Variants in SEC61B observed in about 807,000 individuals in gnomAD.
SEC61B encodes protein transport protein Sec61 subunit beta.
A neutral mutation model predicts 12.6 loss-of-function variants in SEC61B; 7 were observed. That is an observed-to-expected ratio of 0.55 (90% CI 0.32 to 1.04). The LOEUF (loss-of-function observed/expected upper bound fraction) is 1.04. Ranked by LOEUF, SEC61B falls within the 50% of genes least tolerant of loss-of-function variation. The pLI is 0.05. For synonymous variants in SEC61B, 54 were observed against 50.1 expected (o/e 1.08, Z -0.33); for missense variants, 107 against 130.1 (o/e 0.82, Z 0.86).
At chr9:99,227,458 A>G (rs2119020579) in intron 2 of SEC61B, among the ~76,000 whole-genome samples, 1 of 152,266 alleles carries the variant, frequency 6.6e-6, no homozygotes, top group South Asian at 2.1e-4. Context: ...GTATGGATTC[A>G]GGGCATTTTA....
Position 99,230,344 on chromosome 9 carries a change from G to T in SEC61B, c.211G>T (p.Val71Phe), listed in dbSNP as rs367989622. The T allele has an allele frequency of 6.2e-7, 1 of 1,600,730 alleles. No homozygotes were observed. Among genetic ancestry groups the T allele is most frequent in the African/African-American group, 1.3e-5 (1 of 74,402 alleles). Residue 71 changes from valine (V) to phenylalanine (F), a missense_variant, in exon 4 of 4, where the codon GTT becomes TTT. Transcript: ENST00000223641. ...EDSPGLKVGP[V>F]PVLVMSLLFI... Reference sequence around the variant, plus strand: ...TTCTCTTCTTATTTCTAGTGGCCCTGTTCCAGTATTGGTTATGAGTCTTCT... The same window carrying T: ...TTCTCTTCTTATTTCTAGTGGCCCTTTTCCAGTATTGGTTATGAGTCTTCT...
chr9:99,227,265 C>CAAAAAAA (rs59719935), intron 2 of SEC61B, among the ~76,000 whole-genome samples: 1 of 10,734 alleles, frequency 9.3e-5, no homozygotes, highest in Non-Finnish European at 2.0e-4. Flanking sequence ...AACTCCATCT[C>CAAAAAAA]AAAAAAAAAA....
chr9:99,230,360 T>C lies in SEC61B; in HGVS notation c.227T>C (p.Met76Thr). The C allele has an allele frequency of 6.2e-6, 10 of 1,610,486 alleles. No homozygotes were observed. The highest frequency in any genetic ancestry group is 7.6e-6 in the Non-Finnish European group (9 of 1,177,976). The change falls in exon 4 of 4, where the codon ATG (methionine) becomes ACG (threonine). Residue 76 changes from methionine to threonine, a missense_variant. Transcript: ENST00000223641. The part of the protein sequence containing the change: ...LKVGPVPVLV[M>T]SLLFIASVFM... The stretch of plus-strand genomic sequence containing the variant: ...AGTGGCCCTGTTCCAGTATTGGTTA[T>C]GAGTCTTCTGTTCATCGCTTCTGTA...
intron 2 of SEC61B, among the ~76,000 whole-genome samples, chr9:99,227,170 G>A (rs977088364): frequency 8.0e-5 from 12 of 149,702 alleles, no homozygotes; most frequent in Admixed American, 4.0e-4. Flanking sequence ...GGAGGCTGAG[G>A]CAGAAGAATC....
At chr9:99,227,592 C>CA (rs1189921378) in intron 2 of SEC61B, among the ~76,000 whole-genome samples, 1 of 152,178 alleles carries the variant, frequency 6.6e-6, no homozygotes, top group African/African-American at 2.4e-5. Context: ...GAGCTAGGTT[C>CA]AGCCACCTGT....
intron 2 of SEC61B, among the ~76,000 whole-genome samples, chr9:99,226,479 C>T (rs1828897279): frequency 1.3e-5 from 2 of 152,196 alleles, no homozygotes; most frequent in South Asian, 4.1e-4. Context: ...CATCAGCCCA[C>T]AGATACTGGA....
Position 99,222,574 on chromosome 9 carries a change from T to C in SEC61B, c.32T>C (p.Val11Ala), listed in dbSNP as rs1269545093. The C allele has an allele frequency of 6.4e-7, 1 of 1,568,870 alleles. No individual in the cohort carries two copies. Among genetic ancestry groups the C allele is most frequent in the Non-Finnish European group, 8.6e-7 (1 of 1,157,258 alleles). Residue 11 changes from valine (V) to alanine (A), a missense_variant, in exon 2 of 4, where the codon GTG (valine) becomes GCG (alanine). Val to Ala is a moderately conservative substitution (Grantham distance 64, BLOSUM62 0). Transcript: ENST00000223641. ...GGTCCGACCCCCAGTGGCACTAACG[T>C]GGGATCCTCAGGGCGCTCTCCCAGC... The part of the protein sequence containing the change: MPGPTPSGTN[V>A]GSSGRSPSKA...
At chr9:99,222,859 TAAC>T (rs1828847179) in intron 2 of SEC61B, 2 of 474,014 alleles carry the variant, frequency 4.2e-6, no homozygotes, top group Admixed American at 4.0e-5. Context: ...AAAGGAAAGT[TAAC>T]AAACTGGAAT....
At chr9:99,230,109 A>T (rs1214562642) in intron 3 of SEC61B, among the ~76,000 whole-genome samples, 1 of 152,272 alleles carries the variant, frequency 6.6e-6, no homozygotes, top group Non-Finnish European at 1.5e-5. Flanking sequence ...TTACTAAAAG[A>T]TAAGGACTCA....
At position 99,230,613 on chromosome 9, in the gene SEC61B, A is replaced by AG. The variant is rs1828949803; in HGVS notation, c.*189_*190insG. ...GGCTAATAAACTTTTTAATTCACTT[A>AG]TACTGAGTCTGATCGTTGATGCCTC... On this transcript the variant is annotated 3_prime_UTR_variant, in exon 4 of 4. Transcript: ENST00000223641. 2.0e-6 allele frequency: 1 copy of AG among 500,928 alleles called. No individual in the cohort carries two copies. The highest frequency in any genetic ancestry group is 3.5e-6 in the Non-Finnish European group (1 of 285,374). The allele number at this position is 500,928 out of a possible 1,614,324, so 31.0% of individuals were successfully genotyped here.
intron 3 of SEC61B, 66 bp downstream of exon 3, chr9:99,228,066 G>T: frequency 1.6e-6 from 2 of 1,228,934 alleles, no homozygotes; most frequent in Non-Finnish European, 2.4e-6. Context: ...GCAGCACTCT[G>T]TCTCTGTCAC....
At position 99,227,935 on chromosome 9, in the gene SEC61B, C is replaced by T. The variant is rs112512758; in HGVS notation, c.138C>T (p.Arg46=). The part of the protein sequence containing the change: ...NASCGTRSAG[R]TTSAGTGGMW... ...GCTGTGGGACAAGGAGTGCAGGCCG[C>T]ACAACCTCGGCAGGCACCGGGGGGA... is the stretch of plus-strand genomic sequence containing the variant. The change falls in exon 3 of 4, where the codon CGC becomes CGT. Residue 46 remains arginine (R), a synonymous_variant. Transcript: ENST00000223641. 959 of 1,614,124 alleles carry T rather than the reference C, an allele frequency of 5.9e-4. 1 individual carries two copies. The African/African-American group carries it at 0.011, about 18-fold the overall frequency.
chr9:99,227,169 G>A lies in SEC61B; in HGVS notation c.102-730G>A, dbSNP rs148211695. On this transcript the variant is annotated intron_variant, in intron 2 of 3. Coordinates refer to ENST00000223641, the MANE Select transcript of SEC61B (RefSeq NM_006808.3). ...TAATCCCAGCTAAGCAGGAGGCTGA[G>A]GCAGAAGAATCGCTTGAACCCAGGA... 9.5e-3 allele frequency among the ~76,000 whole-genome samples: 1,437 copies of A among 151,142 alleles called. 12 individuals are homozygous for A. Among genetic ancestry groups the A allele is most frequent in the African/African-American group, 0.033 (1,357 of 41,102 alleles).
Position 99,230,502 on chromosome 9 carries a change from C to G in SEC61B, c.*78C>G. On this transcript the variant is annotated 3_prime_UTR_variant, in exon 4 of 4. Transcript: ENST00000223641. ...CTTGGACCAAAAGTATAGTGACTAT[C>G]TGTTCATGAGAGAAATTTTCTGTAA... 1 of 923,850 alleles carries G rather than the reference C, an allele frequency of 1.1e-6. No individual in the cohort carries two copies. Among genetic ancestry groups the G allele is most frequent in the South Asian group, 1.4e-5 (1 of 71,526 alleles). The allele number at this position is 923,850 out of a possible 1,614,324, so 57.2% of individuals were successfully genotyped here. A position where few individuals can be genotyped will look rare whatever the true frequency, so the allele number is the denominator to read the frequency against.
intron 3 of SEC61B, 73 bp downstream of exon 3, chr9:99,228,073 T>A (rs1828919553): frequency 5.2e-6 from 6 of 1,158,696 alleles, no homozygotes; most frequent in Non-Finnish European, 7.7e-6. Flanking sequence ...TCTGTCTCTG[T>A]CACCAGTAGC....
chr9:99,226,917 C>T (rs928476825), intron 2 of SEC61B, among the ~76,000 whole-genome samples: 1 of 152,018 alleles, frequency 6.6e-6, no homozygotes, highest in South Asian at 2.1e-4. Flanking sequence ...TGGGTGTTCC[C>T]TGCGTTTTTT....
At chr9:99,225,408 C>T (rs1828883201) in intron 2 of SEC61B, among the ~76,000 whole-genome samples, 1 of 152,108 alleles carries the variant, frequency 6.6e-6, no homozygotes, top group Admixed American at 6.5e-5. Context: ...GAGAGCAAAT[C>T]ACACAATGGT....
intron 2 of SEC61B, among the ~76,000 whole-genome samples, chr9:99,225,528 T>C (rs770711688): frequency 6.6e-6 from 1 of 152,114 alleles, no homozygotes; most frequent in Non-Finnish European, 1.5e-5. Flanking sequence ...GAACCAAGTG[T>C]GTAACTGGTT....
chr9:99,230,104 A>G (rs898520022), intron 3 of SEC61B, among the ~76,000 whole-genome samples: 3 of 152,246 alleles, frequency 2.0e-5, no homozygotes, highest in Non-Finnish European at 4.4e-5. Flanking sequence ...ATGTTTTACT[A>G]AAAGATAAGG....
Sources: gnomAD v4.1 joint callset for allele counts (sites outside exome capture counted in the v4.1 genomes callset) on GRCh38, gnomAD v4.1.1 for gene constraint, MANE v1.5 for transcripts, NCBI Gene and HGNC (gene_info 2026-07-23, HGNC 2026-07-21) for gene names.